Variants in EML5 observed in about 807,000 individuals in gnomAD.
EML5 encodes echinoderm microtubule-associated protein-like 5.
EML5 carries 120 observed loss-of-function variants against 250.0 expected under a neutral mutation model. The observed-to-expected ratio is 0.48, with a 90% CI of 0.41 to 0.56. EML5 has a LOEUF of 0.56. Among genes scored for constraint, EML5 ranks in the 20% least tolerant of loss-of-function variants. EML5 has a pLI of 0.00. For missense variants in EML5, 2,006 were observed against 2,437.6 expected (o/e 0.82, Z 3.73); for synonymous variants, 771 against 806.5 (o/e 0.96, Z 0.75).
At chr14:88,684,423 G>GCCTC (rs984457260) in intron 20 of EML5, among the ~76,000 whole-genome samples, 38 of 143,390 alleles carry the variant, frequency 2.7e-4, no homozygotes, top group African/African-American at 8.6e-4. Context: ...GCCCGCCTCG[G>GCCTC]CCTCCCAAAG....
At chr14:88,664,685 G>C in intron 22 of EML5, 61 bp from the exon 23 acceptor site, 2 of 1,509,548 alleles carry the variant, frequency 1.3e-6, no homozygotes, top group Non-Finnish European at 1.8e-6. Flanking sequence ...TTTACACTCT[G>C]CAACTAGAGT....
At position 88,740,524 on chromosome 14, in the gene EML5, C is replaced by G; in HGVS notation, c.574G>C (p.Gly192Arg). 1 of 1,613,316 alleles carries G rather than the reference C, an allele frequency of 6.2e-7. No homozygotes were observed. Among genetic ancestry groups the G allele is most frequent in the East Asian group, 2.2e-5 (1 of 44,842 alleles). ...ATTGTCTGAAGGTCACCCGTCTTAC[C>G]AAAGACACCTCGTTTTGGGGTCAGA... ...NALTPKRGVFGKTGDLQTILC... is the reference protein window; with the variant it reads ...NALTPKRGVFRKTGDLQTILC... Residue 192 changes from glycine (G) to arginine (R), a missense_variant, in exon 5 of 44, where the codon GGT (glycine) becomes CGT (arginine). Transcript: ENST00000554922.
intron 8 of EML5, among the ~76,000 whole-genome samples, chr14:88,717,897 G>C (rs2093526446): frequency 6.6e-6 from 1 of 152,200 alleles, no homozygotes. Context: ...ATACAATGTA[G>C]TATTATACTC....
At chr14:88,616,655 G>A in intron 42 of EML5, 71 bp downstream of exon 42, 1 of 1,377,846 alleles carries the variant, frequency 7.3e-7, no homozygotes, top group Non-Finnish European at 9.8e-7. Flanking sequence ...TAAATATATG[G>A]GGAAAAGTGC....
intron 1 of EML5, among the ~76,000 whole-genome samples, chr14:88,789,238 G>T (rs1298114430): frequency 6.6e-6 from 1 of 151,980 alleles, no homozygotes; most frequent in African/African-American, 2.4e-5. Context: ...TAGATTTATA[G>T]ATTTTATATT....
chr14:88,717,178 T>C (rs1174204144), intron 8 of EML5, among the ~76,000 whole-genome samples: 3 of 152,188 alleles, frequency 2.0e-5, no homozygotes, highest in Non-Finnish European at 4.4e-5. Flanking sequence ...GAGGAATGAA[T>C]GAGATTTAGC....
chr14:88,666,761 T>C (rs1309896349), intron 21 of EML5, among the ~76,000 whole-genome samples: 2 of 152,048 alleles, frequency 1.3e-5, no homozygotes, highest in Non-Finnish European at 2.9e-5. Context: ...AGCAAACATA[T>C]TCAAAAGCCC....
Position 88,616,244 on chromosome 14 carries a change from T to TA in EML5, c.5797-3dup. ...ACCCAAGAACCTTTTGTGTTTTGCC[T>TA]AAAAAACAATGACAGACAAGCTCAG... On this transcript the variant is annotated splice_polypyrimidine_tract_variant and splice_region_variant and intron_variant, in intron 42 of 43. Coordinates refer to ENST00000554922, the MANE Select transcript of EML5 (RefSeq NM_183387.3). The TA allele has an allele frequency of 1.9e-6, 3 of 1,613,444 alleles. No individual in the cohort carries two copies. Among genetic ancestry groups the TA allele is most frequent in the Non-Finnish European group, 1.7e-6 (2 of 1,179,430 alleles).
At chr14:88,768,991 T>C (rs572900761) in intron 1 of EML5, among the ~76,000 whole-genome samples, 3 of 152,300 alleles carry the variant, frequency 2.0e-5, no homozygotes, top group East Asian at 1.9e-4. Flanking sequence ...TGCATTCCCA[T>C]TGGGAGCAAT....
chr14:88,765,982 T>C (rs974353344), intron 1 of EML5, among the ~76,000 whole-genome samples: 30 of 152,322 alleles, frequency 2.0e-4, no homozygotes, highest in African/African-American at 7.2e-4. Flanking sequence ...AATACTTTTA[T>C]AATTTCTTAT....
intron 1 of EML5, among the ~76,000 whole-genome samples, chr14:88,757,176 T>A (rs1272470790): frequency 6.6e-6 from 1 of 152,170 alleles, no homozygotes; most frequent in African/African-American, 2.4e-5. Flanking sequence ...CATACATTTG[T>A]GGTCAACTGA....
intron 21 of EML5, among the ~76,000 whole-genome samples, chr14:88,680,814 T>TGG (rs531920670): frequency 6.6e-6 from 1 of 152,034 alleles, no homozygotes; most frequent in African/African-American, 2.4e-5. Flanking sequence ...CCAGACATCA[T>TGG]GGGATTCCCA....
intron 1 of EML5, among the ~76,000 whole-genome samples, chr14:88,767,045 C>T (rs905240091): frequency 5.9e-5 from 9 of 152,146 alleles, no homozygotes; most frequent in Non-Finnish European, 1.0e-4. Context: ...TTTTTATATG[C>T]TAATTTTCAG....
intron 28 of EML5, among the ~76,000 whole-genome samples, chr14:88,648,309 A>G (rs1423195771): frequency 6.6e-6 from 1 of 152,088 alleles, no homozygotes; most frequent in Non-Finnish European, 1.5e-5. Context: ...TAACAATGAT[A>G]TCTCCATTTA....
At chr14:88,731,316 AGT>A (rs1291896379) in intron 7 of EML5, among the ~76,000 whole-genome samples, 1 of 80,424 alleles carries the variant, frequency 1.2e-5, no homozygotes, top group Non-Finnish European at 2.1e-5. Context: ...GAGAACATGC[AGT>A]GTTTGGTTTT....
chr14:88,731,959 A>G (rs1342139896), intron 7 of EML5, among the ~76,000 whole-genome samples: 1 of 152,142 alleles, frequency 6.6e-6, no homozygotes, highest in Non-Finnish European at 1.5e-5. Context: ...TAAATTCTGG[A>G]TATCAGCCCT....
At chr14:88,782,119 G>C (rs565112126) in intron 1 of EML5, among the ~76,000 whole-genome samples, 110 of 152,314 alleles carry the variant, frequency 7.2e-4, no homozygotes, top group Non-Finnish European at 1.1e-3. Context: ...TGTCTAAAAT[G>C]ATGATAGTGA....
intron 28 of EML5, among the ~76,000 whole-genome samples, chr14:88,648,417 G>T (rs546365684): frequency 6.6e-6 from 1 of 152,198 alleles, no homozygotes; most frequent in South Asian, 2.1e-4. Context: ...GCAGTGGTGT[G>T]ATCATGGCTT....
intron 4 of EML5, 137 bp downstream of exon 4, chr14:88,743,886 A>G: frequency 2.1e-6 from 1 of 469,444 alleles, no homozygotes; most frequent in Non-Finnish European, 3.7e-6. Context: ...ACTGAACATA[A>G]GAACAATAAA....
Sources: allele counts gnomAD v4.1 joint callset (sites outside exome capture counted in the v4.1 genomes callset), GRCh38; gene constraint gnomAD v4.1.1; transcripts MANE v1.5; gene names NCBI Gene and HGNC (gene_info 2026-07-23, HGNC 2026-07-21).